The following NOTCH2 variants were observed in gnomAD, a reference collection of about 807,000 sequenced individuals.
NOTCH2 encodes neurogenic locus notch homolog protein 2.
In NOTCH2, 29 loss-of-function variants were observed where a neutral mutation model predicts 235.8. The observed-to-expected ratio is 0.12, with a 90% CI of 0.09 to 0.17. The LOEUF (loss-of-function observed/expected upper bound fraction) is 0.17, where lower values mean the gene tolerates loss of function less well. NOTCH2 is among the 10% of genes least tolerant of loss of function. The pLI, the probability that NOTCH2 is intolerant of heterozygous loss-of-function variation, is 1.00. For missense variants in NOTCH2, 2,285 were observed against 3,150.2 expected (o/e 0.73, Z 6.57); for synonymous variants, 1,086 against 1,141.5 (o/e 0.95, Z 0.98).
chr1:119,954,000 A>T (rs587676238), intron 13 of NOTCH2, among the ~76,000 whole-genome samples: 25 of 152,274 alleles, frequency 1.6e-4, no homozygotes, highest in African/African-American at 4.8e-4. Flanking sequence ...AATCTGCACA[A>T]TGTATGTTAT....
chr1:119,971,738 A>T (rs1553200389), intron 5 of NOTCH2, among the ~76,000 whole-genome samples: 2 of 152,202 alleles, frequency 1.3e-5, no homozygotes, highest in African/African-American at 4.8e-5. Flanking sequence ...AAAGAAAAAT[A>T]GAAAAGATGT....
At chr1:119,937,821 C>T (rs1557812439) in intron 20 of NOTCH2, 36 bp downstream of exon 20, 1 of 1,611,966 alleles carries the variant, frequency 6.2e-7, no homozygotes, top group Admixed American at 1.7e-5. Flanking sequence ...GTCAATACTG[C>T]AGTGAATGAC....
At position 119,953,535 on chromosome 1, in the gene NOTCH2, G is replaced by C. The variant is rs1650567971; in HGVS notation, c.2365+8C>G. 2 of 1,613,856 alleles carry C rather than the reference G, an allele frequency of 1.2e-6. No homozygotes were observed. Among genetic ancestry groups the C allele is most frequent in the Non-Finnish European group, 1.7e-6 (2 of 1,179,876 alleles). ...AGCAGACGCAGAAAGATGTACTTTT[G>C]TTTTCACCTTTAAAGCCCTTCTTGC... On this transcript the variant is annotated splice_region_variant and intron_variant, in intron 14 of 33. Transcript: ENST00000256646.
chr1:119,948,689 T>C, intron 16 of NOTCH2, 123 bp from the exon 17 acceptor site: 1 of 1,166,392 alleles, frequency 8.6e-7, no homozygotes, highest in Non-Finnish European at 1.3e-6. Context: ...GTTGGCCCCC[T>C]GCTTTAGGAA....
At chr1:120,068,906 G>A (rs1553217627) in intron 1 of NOTCH2, 8 of 794,188 alleles carry the variant, frequency 1.0e-5, no homozygotes, top group Non-Finnish European at 1.3e-5. Context: ...TGGCTTGGCG[G>A]CCCTGCCCCC....
Position 119,922,849 on chromosome 1 carries a change from A to C in NOTCH2, c.4860-71T>G, listed in dbSNP as rs1649335812. The C allele has an allele frequency of 2.5e-6, 4 of 1,595,750 alleles. No homozygotes were observed. In the African/African-American group the frequency reaches 5.4e-5, roughly 21 times the overall value. ...AACAGAAGAGTGCAGGTCAGGCAGAACATGTCATAAAGGGTGACAGGAGCC... is the reference window on the plus strand; with the variant it reads ...AACAGAAGAGTGCAGGTCAGGCAGACCATGTCATAAAGGGTGACAGGAGCC... On this transcript the variant is annotated intron_variant, in intron 26 of 33. Transcript: ENST00000256646.
intron 2 of NOTCH2, among the ~76,000 whole-genome samples, chr1:120,013,687 A>ACCT (rs1653301604): frequency 6.6e-6 from 1 of 151,042 alleles, no homozygotes; most frequent in African/African-American, 2.4e-5. Flanking sequence ...GTAATAGGTA[A>ACCT]GACAGTCAGA....
At chr1:119,948,590 G>C in intron 16 of NOTCH2, 24 bp from the exon 17 acceptor site, 1 of 1,613,920 alleles carries the variant, frequency 6.2e-7, no homozygotes, top group Non-Finnish European at 8.5e-7. Flanking sequence ...GCCAATAAAT[G>C]ACCTAGTCCT....
At chr1:120,042,903 G>A (rs1654637030) in intron 1 of NOTCH2, among the ~76,000 whole-genome samples, 2 of 149,324 alleles carry the variant, frequency 1.3e-5, no homozygotes, top group South Asian at 4.3e-4. Flanking sequence ...CCACCTCCAC[G>A]GAAAATACCC....
intron 3 of NOTCH2, among the ~76,000 whole-genome samples, chr1:119,999,206 G>A (rs1652611708): frequency 6.7e-6 from 1 of 149,638 alleles, no homozygotes; most frequent in African/African-American, 2.5e-5. Flanking sequence ...TATATATCCA[G>A]TAACGGGATG....
Position 119,997,276 on chromosome 1 carries a change from T to C in NOTCH2, c.472A>G (p.Thr158Ala), listed in dbSNP as rs782248348. 6 of 1,613,992 alleles carry C rather than the reference T, an allele frequency of 3.7e-6. No homozygotes were observed. Among genetic ancestry groups the C allele is most frequent in the Non-Finnish European group, 4.2e-6 (5 of 1,179,864 alleles). Reference protein sequence around the residue: ...CLSHPCANGSTCTTVANQFSC... With the variant: ...CLSHPCANGSACTTVANQFSC... Reference sequence around the variant, plus strand: ...AACTGGTTGGCCACAGTGGTACAGGTACTTCCATTTGCACAGGGATGAGAC... The same window carrying C: ...AACTGGTTGGCCACAGTGGTACAGGCACTTCCATTTGCACAGGGATGAGAC... The change falls in exon 4 of 34, where the codon ACC becomes GCC. Residue 158 changes from threonine (T) to alanine (A), a missense_variant. By Grantham distance (58) the Thr-to-Ala change is moderately conservative. This residue lies in a region of NOTCH2 where 431 missense variants were observed against 757.8 expected (regional missense o/e 0.57). Coordinates refer to ENST00000256646, the MANE Select transcript of NOTCH2 (RefSeq NM_024408.4).
At chr1:119,988,646 C>T (rs1570719256) in intron 4 of NOTCH2, among the ~76,000 whole-genome samples, 1 of 152,042 alleles carries the variant, frequency 6.6e-6, no homozygotes, top group East Asian at 1.9e-4. Flanking sequence ...TAGTCTGGTG[C>T]TCTTGATGAA....
intron 14 of NOTCH2, among the ~76,000 whole-genome samples, chr1:119,953,149 T>C (rs1570687811): frequency 2.0e-5 from 3 of 152,196 alleles, no homozygotes; most frequent in African/African-American, 7.2e-5. Context: ...CCGTCTCTAC[T>C]AAAAATACAA....
chr1:120,002,451 G>A (rs1652797923), intron 3 of NOTCH2, among the ~76,000 whole-genome samples: 1 of 151,758 alleles, frequency 6.6e-6, no homozygotes, highest in Admixed American at 6.6e-5. Flanking sequence ...AGGTCAATGG[G>A]CAACTACAAC....
chr1:119,927,566 A>G (rs1423100069), intron 23 of NOTCH2, among the ~76,000 whole-genome samples: 1 of 151,874 alleles, frequency 6.6e-6, no homozygotes, highest in Non-Finnish European at 1.5e-5. Flanking sequence ...ATGCACAAAC[A>G]CTACTTCCTG....
intron 17 of NOTCH2, among the ~76,000 whole-genome samples, chr1:119,945,765 A>G (rs1553196964): frequency 6.6e-6 from 1 of 152,102 alleles, no homozygotes; most frequent in African/African-American, 2.4e-5. Flanking sequence ...ATACAATGAT[A>G]GTAAAAGATT....
intron 2 of NOTCH2, among the ~76,000 whole-genome samples, chr1:120,006,163 G>T (rs1292497362): frequency 6.6e-6 from 1 of 151,880 alleles, no homozygotes; most frequent in African/African-American, 2.4e-5. Flanking sequence ...TAGTTTTCTG[G>T]GTTATGTTCA....
At position 119,914,469 on chromosome 1, in the gene NOTCH2, T is replaced by C. The variant is rs1352948679; in HGVS notation, c.*837A>G. 4.3e-6 allele frequency: 1 copy of C among 233,316 alleles called. No homozygotes were observed. Among genetic ancestry groups the C allele is most frequent in the East Asian group, 6.0e-5 (1 of 16,582 alleles). The allele number at this position is 233,316 out of a possible 1,614,324, so 14.5% of individuals were successfully genotyped here. On this transcript the variant is annotated 3_prime_UTR_variant, in exon 34 of 34. Coordinates refer to ENST00000256646, the MANE Select transcript of NOTCH2 (RefSeq NM_024408.4). ...GAAAAACAACAAACTCACACCCTTCTTCCTGGTAAAGTTTATATGAAGACC... is the reference window on the plus strand; with the variant it reads ...GAAAAACAACAAACTCACACCCTTCCTCCTGGTAAAGTTTATATGAAGACC...
chr1:119,939,273 T>G (rs17024546), intron 19 of NOTCH2, among the ~76,000 whole-genome samples: 4 of 152,130 alleles, frequency 2.6e-5, no homozygotes, highest in Non-Finnish European at 4.4e-5. Context: ...GTCTAATTCC[T>G]CTTAGGTCTT....
Sources: gnomAD v4.1 joint callset for allele counts (sites outside exome capture counted in the v4.1 genomes callset) on GRCh38, gnomAD v4.1.1 for gene constraint, gnomAD v4.1.1 regional missense constraint, MANE v1.5 for transcripts, NCBI Gene and HGNC (gene_info 2026-07-23, HGNC 2026-07-21) for gene names.